Variants in ZNF487 observed in about 807,000 individuals in gnomAD.
ZNF487 encodes the protein KRAB domain only 1.
In ZNF487, 4 loss-of-function variants were observed where a neutral mutation model predicts 3.0. That is an observed-to-expected ratio of 1.35 (90% CI 0.66 to 3.08). The LOEUF (loss-of-function observed/expected upper bound fraction) is 3.08, where lower values mean the gene tolerates loss of function less well. Among genes scored for constraint, ZNF487 ranks in the 30% most tolerant of loss-of-function variants. The pLI, the probability that ZNF487 is intolerant of heterozygous loss-of-function variation, is 0.01. For missense variants in ZNF487, 146 were observed against 98.7 expected, an observed-to-expected ratio of 1.48 and a Z score of -2.03; for synonymous variants, 55 against 34.6, an observed-to-expected ratio of 1.59 and a Z score of -2.06.
chr10:43,498,093 ATATATATTTTTTTTTTTTTTCT>A, the ZNF487 span, among the ~76,000 whole-genome samples: 246 of 13,250 alleles, frequency 0.019, 11 homozygotes, highest in East Asian at 0.055. Flanking sequence ...ATATATATAT[ATATATATTTTTTTTTTTTTTCT>A]TTTTTTTTTT....
At chr10:43,497,499 G>A in the ZNF487 span, among the ~76,000 whole-genome samples, 1 of 152,160 alleles carries the variant, frequency 6.6e-6, no homozygotes, top group African/African-American at 2.4e-5. Context: ...AGATTGGGGA[G>A]CAGGCAGCAG....
the ZNF487 span, among the ~76,000 whole-genome samples, chr10:43,509,523 C>T: frequency 6.8e-6 from 1 of 147,932 alleles, no homozygotes; most frequent in Admixed American, 6.9e-5. Context: ...AAACACAAGG[C>T]CCCACAACAC....
At chr10:43,477,423 G>A (rs1841141469) in intron 3 of ZNF487, among the ~76,000 whole-genome samples, 1 of 151,890 alleles carries the variant, frequency 6.6e-6, no homozygotes, top group Non-Finnish European at 1.5e-5. Context: ...TCAAACTCCT[G>A]GCCTCAAGTG....
the ZNF487 span, among the ~76,000 whole-genome samples, chr10:43,512,886 A>T: frequency 6.6e-6 from 1 of 152,132 alleles, no homozygotes; most frequent in East Asian, 1.9e-4. Flanking sequence ...TGGTTGAAGG[A>T]ATGGTCAAAT....
chr10:43,445,986 G>C lies in ZNF487; in HGVS notation c.-94+8724G>C, dbSNP rs1227762953. 2.6e-5 allele frequency among the ~76,000 whole-genome samples: 4 copies of C among 152,202 alleles called. No individual in the cohort carries two copies. In the South Asian group the frequency reaches 8.3e-4, roughly 32 times the overall value. Reference sequence around the variant, plus strand: ...ACACAGCACATGTTTCAGAGAGCATGGGGTTGGGAGTAAGGTTATAGATTA... The same window carrying C: ...ACACAGCACATGTTTCAGAGAGCATCGGGTTGGGAGTAAGGTTATAGATTA... On this transcript the variant is annotated intron_variant, in intron 1 of 3. Coordinates refer to ENST00000437590, the MANE Select transcript of ZNF487 (RefSeq NM_001355444.3).
At chr10:43,505,552 A>C in the ZNF487 span, among the ~76,000 whole-genome samples, 445 of 151,730 alleles carry the variant, frequency 2.9e-3, no homozygotes, top group Non-Finnish European at 5.6e-3. Context: ...CAAAGTGCTG[A>C]GATTACAGGT....
Position 43,447,170 on chromosome 10 carries a change from C to T in ZNF487, c.-94+9908C>T, listed in dbSNP as rs768921640. ...TCCAGCAGAGGGAGACGGTGGAAAGCGGGAGACGGAGATGAGGGAGAGGGG... is the reference window on the plus strand; with the variant it reads ...TCCAGCAGAGGGAGACGGTGGAAAGTGGGAGACGGAGATGAGGGAGAGGGG... On this transcript the variant is annotated intron_variant, in intron 1 of 3. Coordinates refer to ENST00000437590, the MANE Select transcript of ZNF487 (RefSeq NM_001355444.3). 4.4e-4 allele frequency among the ~76,000 whole-genome samples: 66 copies of T among 151,680 alleles called. 1 individual carries two copies. Among genetic ancestry groups the T allele is most frequent in the Admixed American group, 3.3e-4 (5 of 15,214 alleles).
Position 43,481,696 on chromosome 10 carries a change from G to T in ZNF487, c.398G>T (p.Arg133Leu). The T allele has an allele frequency of 1.4e-6, 1 of 712,596 alleles. No homozygotes were observed. Among genetic ancestry groups the T allele is most frequent in the South Asian group, 1.5e-5 (1 of 66,812 alleles). 44.1% of individuals were successfully genotyped at this position (712,596 alleles called of 1,614,324 possible). The change falls in exon 4 of 4, where the codon CGT becomes CTT. Residue 133 changes from arginine (R) to leucine (L), a missense_variant. Coordinates refer to ENST00000437590, the MANE Select transcript of ZNF487 (RefSeq NM_001355444.3). ...AGGAACCCTGCTGAGTGTAATGTACGTGGGAAATTTCTCCTCTGTATGAAG... is the reference window on the plus strand; with the variant it reads ...AGGAACCCTGCTGAGTGTAATGTACTTGGGAAATTTCTCCTCTGTATGAAG... Reference protein sequence around the residue: ...FVRNPAECNVRGKFLLCMKRE... With the variant: ...FVRNPAECNVLGKFLLCMKRE...
At position 43,479,907 on chromosome 10, in the gene ZNF487, C is replaced by T. The variant is rs898779432; in HGVS notation, c.131-1522C>T. On this transcript the variant is annotated intron_variant, in intron 3 of 3. Coordinates refer to ENST00000437590, the MANE Select transcript of ZNF487 (RefSeq NM_001355444.3). ...CTGACCTCAGGTGATCCTCCTGCCT[C>T]GGCCTCCCAAAGTGCTGGGATTACA... is the stretch of plus-strand genomic sequence containing the variant. Among the ~76,000 whole-genome samples the T allele has an allele frequency of 2.1e-4, 32 of 152,024 alleles. 1 individual carries two copies. The highest frequency in any genetic ancestry group is 4.1e-4 in the South Asian group (2 of 4,824).
At chr10:43,468,979 A>ACT (rs1343646594) in intron 1 of ZNF487, among the ~76,000 whole-genome samples, 1 of 111,970 alleles carries the variant, frequency 8.9e-6, no homozygotes, top group African/African-American at 3.6e-5. Flanking sequence ...ACAGAGTGAG[A>ACT]CTCTATCTCA....
At chr10:43,436,903 G>A (rs1242391370), upstream of ZNF487, 4 of 469,198 alleles carry the variant, frequency 8.5e-6, no homozygotes, top group East Asian at 2.1e-4. Flanking sequence ...TGGGGAAGCC[G>A]GACTGCGCCG....
chr10:43,457,367 C>T (rs1840247150), intron 1 of ZNF487, among the ~76,000 whole-genome samples: 1 of 151,210 alleles, frequency 6.6e-6, no homozygotes. Flanking sequence ...ACCAGCCTGG[C>T]CAACATAGTG....
downstream of ZNF487, among the ~76,000 whole-genome samples, chr10:43,486,631 T>C (rs1008083423): frequency 6.6e-6 from 1 of 152,126 alleles, no homozygotes; most frequent in Non-Finnish European, 1.5e-5. Context: ...CCTTTATTTA[T>C]ATCAAAGTGG....
At chr10:43,449,894 G>C (rs1277066425) in intron 1 of ZNF487, among the ~76,000 whole-genome samples, 3 of 152,082 alleles carry the variant, frequency 2.0e-5, no homozygotes, top group East Asian at 3.9e-4. Context: ...TGGCCAGGCT[G>C]GTCTCGAACT....
chr10:43,469,163 CACTAT>C (rs1418071639), intron 1 of ZNF487, among the ~76,000 whole-genome samples: 2 of 151,968 alleles, frequency 1.3e-5, no homozygotes, highest in Non-Finnish European at 2.9e-5. Context: ...GATTATGATT[CACTAT>C]AGGCTCAGAT....
Position 43,471,487 on chromosome 10 carries a change from G to A in ZNF487, c.-93-4234G>A, listed in dbSNP as rs190559231. Reference sequence around the variant, plus strand: ...CTCCTCTGGTGAGGACAAAGGGCCAGCGTGACAGTCTTTCTAGGTACCCGC... The same window carrying A: ...CTCCTCTGGTGAGGACAAAGGGCCAACGTGACAGTCTTTCTAGGTACCCGC... On this transcript the variant is annotated intron_variant, in intron 1 of 3. Coordinates refer to ENST00000437590, the MANE Select transcript of ZNF487 (RefSeq NM_001355444.3). Among the ~76,000 whole-genome samples the A allele has an allele frequency of 1.8e-4, 27 of 152,320 alleles. No homozygotes were observed. In the Middle Eastern group the frequency reaches 0.01, roughly 58 times the overall value.
chr10:43,476,338 A>C (rs1380610266), intron 3 of ZNF487, 136 bp downstream of exon 3: 2 of 597,164 alleles, frequency 3.3e-6, no homozygotes, highest in African/African-American at 3.7e-5. Flanking sequence ...AGTGACTAAG[A>C]AGAGTTGGCC....
At chr10:43,514,945 G>T in the ZNF487 span, among the ~76,000 whole-genome samples, 1 of 152,132 alleles carries the variant, frequency 6.6e-6, no homozygotes, top group African/African-American at 2.4e-5. Context: ...CTTCCTCTAC[G>T]TTAAACCAAG....
chr10:43,498,117 T>A, the ZNF487 span, among the ~76,000 whole-genome samples: 2,625 of 12,294 alleles, frequency 0.21, 254 homozygotes, highest in Non-Finnish European at 0.3. Context: ...TTTTTTTCTT[T>A]TTTTTTTTTT....
Sources: gnomAD v4.1 joint callset for allele counts (sites outside exome capture counted in the v4.1 genomes callset) on GRCh38, gnomAD v4.1.1 for gene constraint, MANE v1.5 for transcripts, NCBI Gene and HGNC (gene_info 2026-07-23, HGNC 2026-07-21) for gene names.